The following ELMOD1 variants were observed in gnomAD, a reference collection of about 807,000 sequenced individuals.
The protein encoded by ELMOD1 is ELMO domain containing 1.
Under a neutral mutation model 46.7 loss-of-function variants are expected in ELMOD1, and 21 were observed. The observed-to-expected ratio is 0.45, with a 90% CI of 0.32 to 0.65. The LOEUF (loss-of-function observed/expected upper bound fraction) is 0.65, where lower values mean the gene tolerates loss of function less well. ELMOD1 is among the 30% of genes least tolerant of loss of function. The pLI, the probability that ELMOD1 is intolerant of heterozygous loss-of-function variation, is 0.04. For synonymous variants in ELMOD1, 122 were observed against 138.2 expected (o/e 0.88, Z 0.82); for missense variants, 348 against 407.8 (o/e 0.85, Z 1.26).
At chr11:107,614,168 T>G (rs1359868873) in intron 1 of ELMOD1, among the ~76,000 whole-genome samples, 1 of 152,164 alleles carries the variant, frequency 6.6e-6, no homozygotes, top group Non-Finnish European at 1.5e-5. Flanking sequence ...GAATCTACCT[T>G]CTAACTATCT....
In ELMOD1 at chr11:107,666,777, G is replaced by A. The variant is rs1251321865; in HGVS notation, c.*1580G>A. On this transcript the variant is annotated 3_prime_UTR_variant, in exon 12 of 12. Coordinates refer to ENST00000265840, the MANE Select transcript of ELMOD1 (RefSeq NM_018712.4). ...AAATTACATGTCATTCTACTGTAAC[G>A]TATATTGGATTTCATATTAATATTT... The A allele has an allele frequency of 6.6e-5, 10 of 152,500 alleles. No homozygotes were observed. Among genetic ancestry groups the A allele is most frequent in the South Asian group, 2.1e-4 (1 of 4,822 alleles). The allele number at this position is 152,500 out of a possible 1,614,324, so 9.4% of individuals were successfully genotyped here.
chr11:107,660,952 T>C (rs577302119), intron 11 of ELMOD1, among the ~76,000 whole-genome samples: 3 of 152,330 alleles, frequency 2.0e-5, no homozygotes, highest in African/African-American at 7.2e-5. Flanking sequence ...CTGTTTCATA[T>C]TTGTTCATCG....
intron 11 of ELMOD1, among the ~76,000 whole-genome samples, chr11:107,657,746 A>C (rs767674474): frequency 6.6e-6 from 1 of 152,246 alleles, no homozygotes; most frequent in African/African-American, 2.4e-5. Context: ...GTAATCCTAA[A>C]GGAATAAATG....
At chr11:107,635,197 G>T (rs188879013) in intron 5 of ELMOD1, among the ~76,000 whole-genome samples, 12 of 152,058 alleles carry the variant, frequency 7.9e-5, no homozygotes, top group Admixed American at 6.5e-5. Context: ...ATGACCACCT[G>T]GGGGGTGCTA....
intron 1 of ELMOD1, among the ~76,000 whole-genome samples, chr11:107,603,657 A>G (rs1490333783): frequency 2.0e-5 from 3 of 151,442 alleles, no homozygotes; most frequent in Admixed American, 2.0e-4. Flanking sequence ...CATGGCTGAG[A>G]TTCTCACTCA....
Position 107,600,550 on chromosome 11 carries a change from A to G in ELMOD1, c.-86+9141A>G, listed in dbSNP as rs775714845. 7.9e-5 allele frequency: 12 copies of G among 152,284 alleles called. 1 individual carries two copies. The highest frequency in any genetic ancestry group is 1.6e-4 in the Non-Finnish European group (11 of 68,024). The allele number at this position is 152,284 out of a possible 1,614,324, so 9.4% of individuals were successfully genotyped here. A position where few individuals can be genotyped will look rare whatever the true frequency, so the allele number is the denominator to read the frequency against. ...GTAAAAAATATTCTTACCATTTTCA[A>G]TGCGGTGTTCAGAAAAGCCATATCT... On this transcript the variant is annotated intron_variant, in intron 1 of 11. Transcript: ENST00000265840.
chr11:107,646,985 T>TCTAC (rs1203899567), intron 6 of ELMOD1, among the ~76,000 whole-genome samples: 8 of 147,026 alleles, frequency 5.4e-5, no homozygotes, highest in Non-Finnish European at 7.6e-5. Flanking sequence ...TATCTATCTA[T>TCTAC]CTACCTATCT....
chr11:107,638,742 G>T (rs893707264), intron 6 of ELMOD1, among the ~76,000 whole-genome samples: 4 of 152,238 alleles, frequency 2.6e-5, no homozygotes, highest in Admixed American at 6.5e-5. Context: ...ATGCATTTGT[G>T]TATGGTGTTT....
At chr11:107,662,047 AG>A (rs1327127590) in intron 11 of ELMOD1, among the ~76,000 whole-genome samples, 1 of 152,252 alleles carries the variant, frequency 6.6e-6, no homozygotes, top group Non-Finnish European at 1.5e-5. Flanking sequence ...CAGGGCATAA[AG>A]CACACTTCAA....
chr11:107,663,102 G>A (rs1475449981), intron 11 of ELMOD1, among the ~76,000 whole-genome samples: 1 of 152,070 alleles, frequency 6.6e-6, no homozygotes, highest in Non-Finnish European at 1.5e-5. Flanking sequence ...AGAAGTTCAA[G>A]CCTGAATGCT....
At chr11:107,654,768 CA>C (rs945140722) in intron 10 of ELMOD1, among the ~76,000 whole-genome samples, 1,447 of 66,922 alleles carry the variant, frequency 0.022, 16 homozygotes, top group African/African-American at 0.064. Context: ...GACTCCGTCT[CA>C]AAAAAAAAAA....
intron 10 of ELMOD1, among the ~76,000 whole-genome samples, chr11:107,655,664 C>G (rs1343160766): frequency 7.1e-6 from 1 of 141,412 alleles, no homozygotes; most frequent in Non-Finnish European, 1.5e-5. Context: ...TAGAGCAGCC[C>G]CAAGGGCTGC....
At position 107,650,261 on chromosome 11, in the gene ELMOD1, G is replaced by A. The variant is rs1045898274; in HGVS notation, c.555-74G>A. On this transcript the variant is annotated intron_variant, in intron 7 of 11. Coordinates refer to ENST00000265840, the MANE Select transcript of ELMOD1 (RefSeq NM_018712.4). The stretch of plus-strand genomic sequence containing the variant: ...CCATCTCTGGATTCAAAATGACCTC[G>A]AATTGGATTAAAATGAATATATTCA... The A allele has an allele frequency of 4.3e-5, 47 of 1,105,116 alleles. No homozygotes were observed. In the East Asian group the frequency reaches 5.5e-4, roughly 13 times the overall value. The allele number at this position is 1,105,116 out of a possible 1,614,324, so 68.5% of individuals were successfully genotyped here. A position where few individuals can be genotyped will look rare whatever the true frequency, so the allele number is the denominator to read the frequency against.
At position 107,659,636 on chromosome 11, in the gene ELMOD1, AG is replaced by A. The variant is rs1201802041; in HGVS notation, c.832+3576del. Among the ~76,000 whole-genome samples, 10 of 11,032 alleles carry A rather than the reference AG, an allele frequency of 9.1e-4. No individual in the cohort carries two copies. In the East Asian group the frequency reaches 0.016, roughly 18 times the overall value. 7.2% of individuals were successfully genotyped at this position (11,032 alleles called of 152,430 possible). A position where few individuals can be genotyped will look rare whatever the true frequency, so the allele number is the denominator to read the frequency against. Reference sequence around the variant, plus strand: ...CAGGGTAAAGGTGCTCAGTAACTAGAGGGGGGTTGGGTGGGTGGGTGGGTGG... The same window carrying A: ...CAGGGTAAAGGTGCTCAGTAACTAGAGGGGGTTGGGTGGGTGGGTGGGTGG... On this transcript the variant is annotated intron_variant, in intron 11 of 11. Coordinates refer to ENST00000265840, the MANE Select transcript of ELMOD1 (RefSeq NM_018712.4).
chr11:107,641,963 T>TA (rs1444693873), intron 6 of ELMOD1, among the ~76,000 whole-genome samples: 1 of 127,704 alleles, frequency 7.8e-6, no homozygotes, highest in East Asian at 2.1e-4. Flanking sequence ...TTTTTTTTTT[T>TA]AGATGGAGTC....
chr11:107,653,893 G>A (rs1239041282), intron 9 of ELMOD1: 3 of 378,690 alleles, frequency 7.9e-6, no homozygotes, highest in Non-Finnish European at 1.5e-5. Flanking sequence ...GGAAGGAGGG[G>A]TTTGATCATT....
intron 11 of ELMOD1, among the ~76,000 whole-genome samples, chr11:107,659,707 A>C (rs73557781): frequency 0.11 from 14,887 of 132,118 alleles, 2,154 homozygotes; most frequent in African/African-American, 0.36. Flanking sequence ...GGATGGATGG[A>C]TGGCTAAAAT....
intron 11 of ELMOD1, among the ~76,000 whole-genome samples, chr11:107,659,663 G>GTGGATGGATGGA (rs773570377): frequency 2.2e-5 from 2 of 89,972 alleles, no homozygotes; most frequent in Non-Finnish European, 4.1e-5. Context: ...GGGTGGGTGG[G>GTGGATGGATGGA]TGGATGGATG....
rs1296702048 is a variant in ELMOD1 at position 107,591,308 on chromosome 11, C to G, written c.-187C>G. The G allele has an allele frequency of 6.6e-6, 1 of 152,172 alleles. No homozygotes were observed. The highest frequency in any genetic ancestry group is 1.5e-5 in the Non-Finnish European group (1 of 68,098). 9.4% of individuals were successfully genotyped at this position (152,172 alleles called of 1,614,324 possible). ...GGCGCCCGGGACCGAGCGCGTCGCT[C>G]GCCGCCGCGGAGCGCGTAGCCGGAG... On this transcript the variant is annotated 5_prime_UTR_variant, in exon 1 of 12. Coordinates refer to ENST00000265840, the MANE Select transcript of ELMOD1 (RefSeq NM_018712.4).
Sources: allele counts gnomAD v4.1 joint callset (sites outside exome capture counted in the v4.1 genomes callset), GRCh38; gene constraint gnomAD v4.1.1; transcripts MANE v1.5; gene names NCBI Gene and HGNC (gene_info 2026-07-23, HGNC 2026-07-21).